The following LOC400499 variants were observed in gnomAD, a reference collection of about 807,000 sequenced individuals.
chr16:11,406,142 G>A, the LOC400499 span, among the ~76,000 whole-genome samples: 3,011 of 152,298 alleles, frequency 0.02, 56 homozygotes, highest in Non-Finnish European at 0.03. Context: ...ATACCAGGCA[G>A]GTAATTTTCC....
the LOC400499 span, among the ~76,000 whole-genome samples, chr16:11,461,775 C>T: frequency 1.3e-5 from 2 of 152,152 alleles, no homozygotes; most frequent in Admixed American, 6.6e-5. Context: ...CACCCATGAG[C>T]GGCACACCCA....
the LOC400499 span, among the ~76,000 whole-genome samples, chr16:11,467,429 G>C: frequency 2.7e-5 from 4 of 150,794 alleles, no homozygotes; most frequent in Non-Finnish European, 5.9e-5. Flanking sequence ...GGGCAACATA[G>C]TGAGACCCCA....
At chr16:11,436,039 G>A in the LOC400499 span, among the ~76,000 whole-genome samples, 2 of 152,210 alleles carry the variant, frequency 1.3e-5, no homozygotes, top group Non-Finnish European at 2.9e-5. Context: ...GAGACAGAGG[G>A]AGGAATGGGG....
the LOC400499 span, chr16:11,494,585 T>C: frequency 3.0e-6 from 1 of 337,970 alleles, no homozygotes; most frequent in African/African-American, 2.1e-5. Context: ...CTTGTCATCA[T>C]CCGAGGGCTC....
the LOC400499 span, among the ~76,000 whole-genome samples, chr16:11,465,890 GAAAGGAAAGA>G: frequency 6.6e-6 from 1 of 151,582 alleles, no homozygotes; most frequent in African/African-American, 2.4e-5. Context: ...GACAGGGCGA[GAAAGGAAAGA>G]AAAGGAAGAA....
At chr16:11,384,989 T>G in the LOC400499 span, 37 of 1,232,118 alleles carry the variant, frequency 3.0e-5, no homozygotes, top group East Asian at 3.2e-4. Flanking sequence ...GGAGACGTCC[T>G]TCCTTGTCGT....
the LOC400499 span, among the ~76,000 whole-genome samples, chr16:11,451,612 C>A: frequency 6.6e-6 from 1 of 152,000 alleles, no homozygotes; most frequent in Non-Finnish European, 1.5e-5. Context: ...GGTAGAAATG[C>A]TGAGGGCTGT....
At chr16:11,492,985 C>A in the LOC400499 span, among the ~76,000 whole-genome samples, 1 of 151,856 alleles carries the variant, frequency 6.6e-6, no homozygotes, top group Non-Finnish European at 1.5e-5. Context: ...GAAAAGTGTA[C>A]CAGGAAAGAG....
At chr16:11,491,729 G>A in the LOC400499 span, 10 of 398,214 alleles carry the variant, frequency 2.5e-5, no homozygotes, top group Admixed American at 3.1e-4. Context: ...CTGCCTGGGT[G>A]CGCCGCACCT....
At chr16:11,461,328 T>G in the LOC400499 span, among the ~76,000 whole-genome samples, 1 of 152,136 alleles carries the variant, frequency 6.6e-6, no homozygotes, top group Non-Finnish European at 1.5e-5. Context: ...CAATCGATCT[T>G]CCCACCTTAG....
At chr16:11,397,741 T>TGGAGGGAG in the LOC400499 span, among the ~76,000 whole-genome samples, 4 of 70,018 alleles carry the variant, frequency 5.7e-5, no homozygotes, top group African/African-American at 1.5e-4. Context: ...GTCCTTGGGA[T>TGGAGGGAG]GGAGGGAGGG....
chr16:11,481,969 G>C, the LOC400499 span, among the ~76,000 whole-genome samples: 1 of 152,112 alleles, frequency 6.6e-6, no homozygotes, highest in Non-Finnish European at 1.5e-5. Flanking sequence ...TTTTACATAT[G>C]AGAATTTCAT....
At chr16:11,385,069 T>G in the LOC400499 span, 38 of 1,231,818 alleles carry the variant, frequency 3.1e-5, no homozygotes, top group South Asian at 4.1e-5. Context: ...TGTAGGCCTG[T>G]GGGCCAGAGG....
the LOC400499 span, among the ~76,000 whole-genome samples, chr16:11,427,533 C>T: frequency 1.3e-5 from 2 of 152,048 alleles, no homozygotes; most frequent in Non-Finnish European, 2.9e-5. Context: ...CAATGTCCAC[C>T]TCCCAGGCTC....
the LOC400499 span, chr16:11,393,302 T>C: frequency 8.0e-4 from 902 of 1,124,748 alleles, 8 homozygotes; most frequent in African/African-American, 0.013. Flanking sequence ...CCCCGACTTC[T>C]GAAATCTTAA....
the LOC400499 span, among the ~76,000 whole-genome samples, chr16:11,510,931 G>T: frequency 1.4e-4 from 21 of 151,414 alleles, 2 homozygotes; most frequent in Admixed American, 1.1e-3. Context: ...AAAGAACGGG[G>T]CCAGGATGAT....
the LOC400499 span, among the ~76,000 whole-genome samples, chr16:11,386,195 G>A: frequency 1.3e-5 from 2 of 152,200 alleles, no homozygotes; most frequent in Admixed American, 1.3e-4. Flanking sequence ...GGGAACAGAT[G>A]GCCTGAGAAG....
chr16:11,413,208 G>A, the LOC400499 span, among the ~76,000 whole-genome samples: 1 of 152,190 alleles, frequency 6.6e-6, no homozygotes, highest in African/African-American at 2.4e-5. Flanking sequence ...CAGAGAATGT[G>A]CTCCCGGGAG....
chr16:11,384,906 G>C, the LOC400499 span: 355 of 1,232,332 alleles, frequency 2.9e-4, 1 homozygote, highest in East Asian at 4.7e-3. Flanking sequence ...CAGAGGCCCA[G>C]AGTCAGGCTG....
Sources: allele counts gnomAD v4.1 joint callset (sites outside exome capture counted in the v4.1 genomes callset), GRCh38; gene constraint gnomAD v4.1.1; transcripts MANE v1.5.